The following BTD variants were observed in gnomAD, a reference collection of about 807,000 sequenced individuals.
BTD encodes the protein biotinidase.
A neutral mutation model predicts 17.7 loss-of-function variants in BTD; 13 were observed. The ratio of observed to expected loss-of-function variants is 0.74; its 90% confidence interval spans 0.48 to 1.17. The LOEUF is 1.17. Among genes scored for constraint, BTD ranks in the 50% most tolerant of loss-of-function variants. BTD has a pLI of 0.00. For missense variants in BTD, 674 were observed against 650.4 expected (o/e 1.04, Z -0.39); for synonymous variants, 240 against 245.2 (o/e 0.98, Z 0.20).
chr3:15,720,154 A>T (rs2073546207), intron 4 of BTD, among the ~76,000 whole-genome samples: 1 of 152,176 alleles, frequency 6.6e-6, no homozygotes, highest in African/African-American at 2.4e-5. Flanking sequence ...AGGAGCCACT[A>T]TGCCAGCCCA....
At chr3:15,626,998 A>G (rs1449333618) in intron 1 of BTD, among the ~76,000 whole-genome samples, 3 of 152,172 alleles carry the variant, frequency 2.0e-5, no homozygotes, top group Admixed American at 6.5e-5. Flanking sequence ...AAAATGTCCA[A>G]TGCCTCCAGG....
rs1553654892 is a variant in BTD at position 15,648,274 on chromosome 3, T to TGGAA, written c.*2786_*2787insGGAA. On this transcript the variant is annotated 3_prime_UTR_variant, in exon 4 of 4. Transcript: ENST00000643237. ...CAAAGTGGATTTATATAGGACAAAATAGGCATAAAAGTATGAAATGTTTTG... is the reference window on the plus strand; with the variant it reads ...CAAAGTGGATTTATATAGGACAAAATGGAAAGGCATAAAAGTATGAAATGTTTTG... 2.6e-5 allele frequency among the ~76,000 whole-genome samples: 4 copies of TGGAA among 151,790 alleles called. No individual in the cohort carries two copies. In the East Asian group the frequency reaches 7.8e-4, roughly 29 times the overall value.
At chr3:15,691,208 C>T (rs1390786128) in intron 3 of BTD, among the ~76,000 whole-genome samples, 7 of 151,894 alleles carry the variant, frequency 4.6e-5, no homozygotes, top group Non-Finnish European at 1.0e-4. Context: ...CTGCAACCTC[C>T]GCCTCCCTGG....
intron 1 of BTD, among the ~76,000 whole-genome samples, chr3:15,624,119 C>G (rs2065015834): frequency 6.6e-6 from 1 of 152,130 alleles, no homozygotes; most frequent in Non-Finnish European, 1.5e-5. Flanking sequence ...TGTTTTTTCC[C>G]TCTGGCTTCT....
At chr3:15,702,846 A>G (rs2070811075) in intron 3 of BTD, among the ~76,000 whole-genome samples, 1 of 152,022 alleles carries the variant, frequency 6.6e-6, no homozygotes, top group South Asian at 2.1e-4. Context: ...TGGCCCAAAA[A>G]ATCAGTTTTA....
rs1450192026 is a variant in BTD at position 15,644,464 on chromosome 3, A to T, written c.548A>T (p.Asn183Ile). The change falls in exon 4 of 4, where the codon AAT becomes ATT. Residue 183 changes from asparagine (N) to isoleucine (I), a missense_variant. Transcript: ENST00000643237. ...QFNTNVVFSN[N>I]GTLVDRYRKH... ...AACACAAATGTCGTGTTCAGCAATAATGGAACCCTTGTTGACCGCTACCGT... is the reference window on the plus strand; with the variant it reads ...AACACAAATGTCGTGTTCAGCAATATTGGAACCCTTGTTGACCGCTACCGT... The T allele has an allele frequency of 6.2e-7, 1 of 1,614,070 alleles. No homozygotes were observed.
At chr3:15,708,606 A>G (rs922973366) in intron 3 of BTD, among the ~76,000 whole-genome samples, 1 of 152,220 alleles carries the variant, frequency 6.6e-6, no homozygotes, top group African/African-American at 2.4e-5. Flanking sequence ...AGTACTAAAA[A>G]TTAATATAAA....
At chr3:15,602,262 C>T (rs1350430233) in intron 1 of BTD, 4 of 1,252,358 alleles carry the variant, frequency 3.2e-6, no homozygotes, top group Non-Finnish European at 4.0e-6. Flanking sequence ...CTGTTTCCTA[C>T]CCACTATTCA....
intron 1 of BTD, among the ~76,000 whole-genome samples, chr3:15,615,670 C>G (rs529486526): frequency 1.3e-5 from 2 of 152,302 alleles, no homozygotes; most frequent in African/African-American, 4.8e-5. Context: ...ACATATACTC[C>G]CTGTCCTGAT....
intron 4 of BTD, among the ~76,000 whole-genome samples, chr3:15,720,061 G>C (rs528896885): frequency 6.6e-6 from 1 of 152,010 alleles, no homozygotes; most frequent in African/African-American, 2.4e-5. Flanking sequence ...GTGGAGCCAG[G>C]TTATGCTGTC....
Position 15,635,364 on chromosome 3 carries a change from G to C in BTD, c.-16-60G>C. ...GGATTAATAAATCACAGCTGCAAAC[G>C]TTAAATTCTTGGCAGGATTCTTTAT... is the stretch of plus-strand genomic sequence containing the variant. On this transcript the variant is annotated intron_variant, in intron 1 of 3. Transcript: ENST00000643237. The surrounding 1 kb of genome is among the most constrained non-coding windows in gnomAD (Gnocchi z 4.1). The C allele has an allele frequency of 6.2e-7, 1 of 1,611,286 alleles. No homozygotes were observed. Among genetic ancestry groups the C allele is most frequent in the Non-Finnish European group, 8.5e-7 (1 of 1,178,300 alleles).
At chr3:15,619,264 C>T (rs1299281430) in intron 1 of BTD, among the ~76,000 whole-genome samples, 2 of 152,130 alleles carry the variant, frequency 1.3e-5, no homozygotes, top group South Asian at 2.1e-4. Flanking sequence ...TATTGTACTT[C>T]GTCAAATACA....
chr3:15,605,101 C>T (rs2064406300), intron 1 of BTD, among the ~76,000 whole-genome samples: 1 of 152,212 alleles, frequency 6.6e-6, no homozygotes, highest in Admixed American at 6.5e-5. Flanking sequence ...GTGCCCCACT[C>T]TCTGCATTAC....
At chr3:15,616,784 T>G (rs1005124784) in intron 1 of BTD, among the ~76,000 whole-genome samples, 2 of 152,192 alleles carry the variant, frequency 1.3e-5, no homozygotes, top group African/African-American at 4.8e-5. Flanking sequence ...TTATTGCTAT[T>G]TGTGTATCTT....
chr3:15,702,467 A>C (rs2070755860), intron 3 of BTD, among the ~76,000 whole-genome samples: 1 of 152,226 alleles, frequency 6.6e-6, no homozygotes, highest in Admixed American at 6.5e-5. Flanking sequence ...CTCTGAAATA[A>C]AATATATACA....
At chr3:15,661,742 TAAGA>T (rs2065927594) in intron 3 of BTD, among the ~76,000 whole-genome samples, 1 of 152,198 alleles carries the variant, frequency 6.6e-6, no homozygotes. Flanking sequence ...GATTTTCTCC[TAAGA>T]GTTTTATAGT....
At position 15,652,920 on chromosome 3, in the gene BTD, CAGAT is replaced by C. The variant is rs945983306; in HGVS notation, c.*7436_*7439del. 2.0e-5 allele frequency among the ~76,000 whole-genome samples: 3 copies of C among 152,154 alleles called. No individual in the cohort carries two copies. The highest frequency in any genetic ancestry group is 4.4e-5 in the Non-Finnish European group (3 of 68,024). ...GCAAAATGCAACAGGGAGATGTTCT[CAGAT>C]AGAGGGAGAACAACAAAAAGAAGGG... is the stretch of plus-strand genomic sequence containing the variant. On this transcript the variant is annotated 3_prime_UTR_variant, in exon 4 of 4. Coordinates refer to ENST00000643237, the MANE Select transcript of BTD (RefSeq NM_001370658.1).
At chr3:15,605,781 T>G (rs2064431046) in intron 1 of BTD, among the ~76,000 whole-genome samples, 1 of 152,140 alleles carries the variant, frequency 6.6e-6, no homozygotes, top group Admixed American at 6.5e-5. Context: ...CAATGGCTCA[T>G]GCCTGTAATC....
chr3:15,630,120 G>A, intron 1 of BTD: 1 of 982,734 alleles, frequency 1.0e-6, no homozygotes, highest in Non-Finnish European at 1.2e-6. Context: ...GTGGGAGTGT[G>A]GTGAGTAAAA....
Sources: gnomAD v4.1 joint callset for allele counts (sites outside exome capture counted in the v4.1 genomes callset) on GRCh38, gnomAD v4.1.1 for gene constraint, Gnocchi (gnomAD v3.1) non-coding constraint, MANE v1.5 for transcripts, NCBI Gene and HGNC (gene_info 2026-07-23, HGNC 2026-07-21) for gene names.